The following KIRREL1 variants were observed in gnomAD, a reference collection of about 807,000 sequenced individuals.
KIRREL1 encodes kirre like nephrin family adhesion molecule 1, also known as kin of IRRE-like protein 1.
Under a neutral mutation model 83.3 loss-of-function variants are expected in KIRREL1, and 25 were observed. The ratio of observed to expected loss-of-function variants is 0.30; its 90% CI spans 0.22 to 0.42. The LOEUF (loss-of-function observed/expected upper bound fraction) is 0.42. Among genes scored for constraint, KIRREL1 ranks in the 10% least tolerant of loss-of-function variants. The pLI, the probability that KIRREL1 is intolerant of heterozygous loss-of-function variation, is 1.00. For synonymous variants in KIRREL1, 388 were observed against 410.4 expected (o/e 0.95, Z 0.66); for missense variants, 812 against 1,032.3 (o/e 0.79, Z 2.92).
At chr1:158,057,959 T>C (rs1318360326) in intron 1 of KIRREL1, among the ~76,000 whole-genome samples, 1 of 152,170 alleles carries the variant, frequency 6.6e-6, no homozygotes, top group Non-Finnish European at 1.5e-5. Context: ...CCTTGGTGAA[T>C]TATTAGGTAA....
chr1:158,086,763 G>T lies in KIRREL1; in HGVS notation c.661+17G>T, dbSNP rs1251752373. 3 of 1,528,894 alleles carry T rather than the reference G, an allele frequency of 2.0e-6. No individual in the cohort carries two copies. In the South Asian group the frequency reaches 3.6e-5, roughly 18 times the overall value. 94.7% of individuals were successfully genotyped at this position (1,528,894 alleles called of 1,614,324 possible). A position where few individuals can be genotyped will look rare whatever the true frequency, so the allele number is the denominator to read the frequency against. The stretch of plus-strand genomic sequence containing the variant: ...ATGTGCACCGTGAGTGGGCTGGGGG[G>T]AGCAGTCTGGAGCAGGGGGGTGGAA... On this transcript the variant is annotated intron_variant, in intron 5 of 14. Transcript: ENST00000359209.
intron 1 of KIRREL1, among the ~76,000 whole-genome samples, chr1:158,048,953 G>C (rs1386305986): frequency 6.6e-6 from 1 of 152,178 alleles, no homozygotes; most frequent in Non-Finnish European, 1.5e-5. Flanking sequence ...GCTAAGGGAG[G>C]TAGTACAAAC....
At position 158,099,985 on chromosome 1, in the gene KIRREL1, A is replaced by G. The variant is rs1662449641; in HGVS notation, c.*4865A>G. The G allele has an allele frequency of 1.3e-5, 2 of 152,054 alleles. No homozygotes were observed. Among genetic ancestry groups the G allele is most frequent in the African/African-American group, 4.8e-5 (2 of 41,394 alleles). The allele number at this position is 152,054 out of a possible 1,614,324, so 9.4% of individuals were successfully genotyped here. On this transcript the variant is annotated 3_prime_UTR_variant, in exon 15 of 15. Transcript: ENST00000359209. ...AGCCATTCTTGGCATTGCAACCTCCATTTCTAGCTCCTGTTGAATTTTCTC... is the reference window on the plus strand; with the variant it reads ...AGCCATTCTTGGCATTGCAACCTCCGTTTCTAGCTCCTGTTGAATTTTCTC...
At chr1:158,066,552 A>G (rs1413786255) in intron 1 of KIRREL1, among the ~76,000 whole-genome samples, 1 of 152,048 alleles carries the variant, frequency 6.6e-6, no homozygotes, top group African/African-American at 2.4e-5. Flanking sequence ...CCTGCGTCTC[A>G]GTTTCCTTCC....
intron 1 of KIRREL1, among the ~76,000 whole-genome samples, chr1:158,024,315 G>A (rs1391554417): frequency 2.5e-5 from 3 of 119,626 alleles, no homozygotes; most frequent in Non-Finnish European, 4.8e-5. Flanking sequence ...GTATTGCTCT[G>A]TCTCTCAGGC....
intron 1 of KIRREL1, among the ~76,000 whole-genome samples, chr1:158,055,227 C>T (rs1661021206): frequency 6.6e-6 from 1 of 152,022 alleles, no homozygotes. Flanking sequence ...AGAGATTAAA[C>T]CAAGGAAGGG....
At chr1:158,060,813 A>G (rs1167359421) in intron 1 of KIRREL1, among the ~76,000 whole-genome samples, 2 of 152,262 alleles carry the variant, frequency 1.3e-5, no homozygotes, top group East Asian at 1.9e-4. Context: ...TTCCGCTCTC[A>G]TCTTATTCCA....
intron 1 of KIRREL1, among the ~76,000 whole-genome samples, chr1:158,069,376 A>G (rs1402868224): frequency 6.6e-6 from 1 of 150,924 alleles, no homozygotes; most frequent in African/African-American, 2.4e-5. Flanking sequence ...TCTAGGATAG[A>G]TTTAGAGGTC....
intron 1 of KIRREL1, among the ~76,000 whole-genome samples, chr1:158,014,871 C>G (rs886549320): frequency 6.6e-6 from 1 of 152,024 alleles, no homozygotes; most frequent in Non-Finnish European, 1.5e-5. Context: ...GGGTCTTCCT[C>G]GGAAGGGGAG....
chr1:158,094,917 A>G lies in KIRREL1; in HGVS notation c.2071A>G (p.Asn691Asp). Residue 691 changes from asparagine to aspartate, a missense_variant, in exon 15 of 15, where the codon AAC becomes GAC. Physicochemically the swap from Asn to Asp is conservative, Grantham distance 23. Coordinates refer to ENST00000359209, the MANE Select transcript of KIRREL1 (RefSeq NM_018240.7). The surrounding 1 kb of genome is among the most constrained non-coding windows in gnomAD (Gnocchi z 4.6). Reference sequence around the variant, plus strand: ...GTCCTACGAGAACTATGAGAAGTTCAACTCCCATCCCTTCCCTGGGGCAGC... The same window carrying G: ...GTCCTACGAGAACTATGAGAAGTTCGACTCCCATCCCTTCCCTGGGGCAGC... ...QLSYENYEKFNSHPFPGAAGY... is the reference protein window; with the variant it reads ...QLSYENYEKFDSHPFPGAAGY... The G allele has an allele frequency of 6.2e-7, 1 of 1,614,066 alleles. No homozygotes were observed. Among genetic ancestry groups the G allele is most frequent in the Non-Finnish European group, 8.5e-7 (1 of 1,179,990 alleles).
chr1:158,065,305 G>T (rs1661329172), intron 1 of KIRREL1, among the ~76,000 whole-genome samples: 1 of 152,200 alleles, frequency 6.6e-6, no homozygotes, highest in Non-Finnish European at 1.5e-5. Flanking sequence ...CTCAGATTGT[G>T]CTTAGAAGCT....
At chr1:158,082,832 G>T (rs1205299286) in intron 3 of KIRREL1, among the ~76,000 whole-genome samples, 1 of 152,150 alleles carries the variant, frequency 6.6e-6, no homozygotes, top group African/African-American at 2.4e-5. Flanking sequence ...CAAGCATGAT[G>T]GTGTGTACCT....
Position 158,095,243 on chromosome 1 carries a change from G to A in KIRREL1, c.*123G>A, listed in dbSNP as rs1662326283. ...GGACCAGCCTTCTTCCTCCCACCAT[G>A]GCAGGTGGGGAGCAGGTCTCCCAGA... is the stretch of plus-strand genomic sequence containing the variant. On this transcript the variant is annotated 3_prime_UTR_variant, in exon 15 of 15. Coordinates refer to ENST00000359209, the MANE Select transcript of KIRREL1 (RefSeq NM_018240.7). The A allele has an allele frequency of 4.1e-6, 3 of 734,740 alleles. No homozygotes were observed. Among genetic ancestry groups the A allele is most frequent in the Non-Finnish European group, 6.5e-6 (3 of 459,250 alleles). The allele number at this position is 734,740 out of a possible 1,614,324, so 45.5% of individuals were successfully genotyped here. A position where few individuals can be genotyped will look rare whatever the true frequency, so the allele number is the denominator to read the frequency against.
At chr1:158,048,277 CTATGAAGAATTATTTATGTTATCTCCATT>C (rs1660825762) in intron 1 of KIRREL1, among the ~76,000 whole-genome samples, 2 of 152,148 alleles carry the variant, frequency 1.3e-5, no homozygotes, top group South Asian at 4.1e-4. Context: ...GGCTTACTAC[CTATGAAGAATTATTTATGTTATCTCCATT>C]TTACAATTGA....
chr1:158,055,894 G>T (rs1481388759), intron 1 of KIRREL1, among the ~76,000 whole-genome samples: 1 of 152,334 alleles, frequency 6.6e-6, no homozygotes, highest in East Asian at 1.9e-4. Flanking sequence ...CTGGGGTTGT[G>T]GTCCCACATG....
intron 1 of KIRREL1, among the ~76,000 whole-genome samples, chr1:157,996,589 G>A (rs2101614393): frequency 6.6e-6 from 1 of 152,180 alleles, no homozygotes; most frequent in African/African-American, 2.4e-5. Context: ...TAAATTCCCA[G>A]GATTCAACTC....
intron 1 of KIRREL1, among the ~76,000 whole-genome samples, chr1:158,017,640 C>A (rs961664579): frequency 6.6e-6 from 1 of 151,724 alleles, no homozygotes; most frequent in Non-Finnish European, 1.5e-5. Context: ...TGCAGTGAGC[C>A]GAGATTGCGC....
chr1:158,051,669 G>GA (rs1338817666), intron 1 of KIRREL1, among the ~76,000 whole-genome samples: 1 of 151,884 alleles, frequency 6.6e-6, no homozygotes, highest in East Asian at 1.9e-4. Flanking sequence ...CTTTTCCTGG[G>GA]AAAAATGCAA....
chr1:158,050,440 G>C (rs12098097), intron 1 of KIRREL1, among the ~76,000 whole-genome samples: 88,411 of 151,740 alleles, frequency 0.58, 26,449 homozygotes, highest in Non-Finnish European at 0.66. Context: ...GACTTATAAT[G>C]AGGTGCTATT....
Sources: gnomAD v4.1 joint callset for allele counts (sites outside exome capture counted in the v4.1 genomes callset) on GRCh38, gnomAD v4.1.1 for gene constraint, Gnocchi (gnomAD v3.1) non-coding constraint, MANE v1.5 for transcripts, NCBI Gene and HGNC (gene_info 2026-07-23, HGNC 2026-07-21) for gene names.